Variants in LRP12 observed in about 807,000 individuals in gnomAD.
LRP12 encodes the protein LDL receptor related protein 12, also known as low-density lipoprotein receptor-related protein 12.
In LRP12, 14 loss-of-function variants were observed where a neutral mutation model predicts 66.0. That is an observed-to-expected ratio of 0.21 (90% CI 0.14 to 0.33). The LOEUF (loss-of-function observed/expected upper bound fraction) is 0.33. LRP12 is among the 10% of genes least tolerant of loss of function. LRP12 has a pLI of 1.00. For synonymous variants in LRP12, 357 were observed against 359.1 expected (o/e 0.99, Z 0.07); for missense variants, 889 against 1,053.4 (o/e 0.84, Z 2.16).
chr8:104,489,993 C>T lies in LRP12; in HGVS notation c.*680G>A, dbSNP rs1167977834. The T allele has an allele frequency of 6.6e-6, 1 of 152,526 alleles. No individual in the cohort carries two copies. Among genetic ancestry groups the T allele is most frequent in the African/African-American group, 2.4e-5 (1 of 41,424 alleles). 9.4% of individuals were successfully genotyped at this position (152,526 alleles called of 1,614,324 possible). A position where few individuals can be genotyped will look rare whatever the true frequency, so the allele number is the denominator to read the frequency against. On this transcript the variant is annotated 3_prime_UTR_variant, in exon 7 of 7. Transcript: ENST00000276654. ...AAAAAGAAATGACTTGGGATTTTACCATTTGGTTTGTACCATGTTAGAGTA... is the reference window on the plus strand; with the variant it reads ...AAAAAGAAATGACTTGGGATTTTACTATTTGGTTTGTACCATGTTAGAGTA...
In LRP12 at chr8:104,497,882, A is replaced by C. The variant is rs576103135; in HGVS notation, c.670T>G (p.Ser224Ala). 3 of 1,614,222 alleles carry C rather than the reference A, an allele frequency of 1.9e-6. No homozygotes were observed. The South Asian group carries it at 3.3e-5, about 18-fold the overall frequency. The change falls in exon 5 of 7, where the codon TCC (serine) becomes GCC (alanine). Residue 224 changes from serine to alanine, a missense_variant. Around this residue, in one of 3 missense-constraint regions of LRP12, gnomAD observed 800 missense variants for 964.5 expected, o/e 0.83. Transcript: ENST00000276654. This position sits in a 1 kb window ranked among gnomAD's most constrained non-coding sequence, Gnocchi z 4.3. ...PCAYNQFQCL[S>A]RFTKVYTCLP... Reference sequence around the variant, plus strand: ...CAAGTGTAAACTTTGGTAAAACGGGATAAACACTGGAACTGGTTGTAAGCA... The same window carrying C: ...CAAGTGTAAACTTTGGTAAAACGGGCTAAACACTGGAACTGGTTGTAAGCA...
chr8:104,559,083 T>C (rs1469307878), intron 1 of LRP12, among the ~76,000 whole-genome samples: 1 of 152,174 alleles, frequency 6.6e-6, no homozygotes, highest in African/African-American at 2.4e-5. Context: ...GATCTACCAT[T>C]TGATACAGCA....
chr8:104,584,849 C>A (rs1215386681), intron 1 of LRP12, among the ~76,000 whole-genome samples: 1 of 152,056 alleles, frequency 6.6e-6, no homozygotes, highest in East Asian at 1.9e-4. Context: ...TAGATTTTTC[C>A]CTCATGTTCC....
At chr8:104,536,019 G>GAGA (rs1355287407) in intron 1 of LRP12, among the ~76,000 whole-genome samples, 1 of 152,056 alleles carries the variant, frequency 6.6e-6, no homozygotes, top group Non-Finnish European at 1.5e-5. Flanking sequence ...ACTGCTCAGT[G>GAGA]AGAATAGTTA....
chr8:104,568,859 A>T (rs1169017445), intron 1 of LRP12, among the ~76,000 whole-genome samples: 1 of 152,182 alleles, frequency 6.6e-6, no homozygotes, highest in African/African-American at 2.4e-5. Context: ...TTTGGAAAAG[A>T]GTTTGGAGTT....
At chr8:104,510,522 C>A (rs571603012) in intron 2 of LRP12, among the ~76,000 whole-genome samples, 37 of 152,216 alleles carry the variant, frequency 2.4e-4, no homozygotes, top group South Asian at 4.1e-4. Context: ...TTAACATTAT[C>A]CAGAATTCAG....
intron 1 of LRP12, among the ~76,000 whole-genome samples, chr8:104,552,200 T>G (rs1244049455): frequency 6.6e-6 from 1 of 152,208 alleles, no homozygotes. Flanking sequence ...GCAGCTTCAG[T>G]CTTTAGATTG....
Position 104,497,666 on chromosome 8 carries a change from T to C in LRP12, c.886A>G (p.Lys296Glu). 6.2e-7 allele frequency: 1 copy of C among 1,614,172 alleles called. No homozygotes were observed. Among genetic ancestry groups the C allele is most frequent in the Non-Finnish European group, 8.5e-7 (1 of 1,180,024 alleles). ...AAGTCAGTGAAGCGTAAAATGACTT[T>C]ACGGTGATCACCAGTGTCTATTAAC... ...TWLIDTGDHR[K>E]VILRFTDFKL... is the part of the protein sequence containing the mutation. The change falls in exon 5 of 7, where the codon AAA becomes GAA. Residue 296 changes from lysine to glutamate, a missense_variant. Transcript: ENST00000276654. This position sits in a 1 kb window ranked among gnomAD's most constrained non-coding sequence, Gnocchi z 4.3.
rs528343908 is a variant in LRP12, at chr8:104,555,976, G to A, written c.80-24013C>T. 1.3e-4 allele frequency among the ~76,000 whole-genome samples: 20 copies of A among 152,168 alleles called. No individual in the cohort carries two copies. The South Asian group carries it at 1.7e-3, about 13-fold the overall frequency. Reference sequence around the variant, plus strand: ...ATCAAGTTCTCTTTTAGACTACAGTGGAATAAAATTGGAAATCAACTCCAA... The same window carrying A: ...ATCAAGTTCTCTTTTAGACTACAGTAGAATAAAATTGGAAATCAACTCCAA... On this transcript the variant is annotated intron_variant, in intron 1 of 6. Transcript: ENST00000276654.
intron 2 of LRP12, among the ~76,000 whole-genome samples, chr8:104,518,590 T>A (rs1341790025): frequency 4.6e-5 from 7 of 152,136 alleles, no homozygotes. Context: ...AAAGGGTAGA[T>A]AATCTATAAT....
chr8:104,506,058 A>G (rs920677996), intron 3 of LRP12: 2 of 152,228 alleles, frequency 1.3e-5, no homozygotes, highest in Admixed American at 6.5e-5. Flanking sequence ...ATATCTAAAA[A>G]TACTATTTAC....
chr8:104,511,490 C>T (rs1018939452), intron 2 of LRP12, among the ~76,000 whole-genome samples: 1 of 152,068 alleles, frequency 6.6e-6, no homozygotes, highest in Non-Finnish European at 1.5e-5. Context: ...GCTGGGACTA[C>T]AAAGAGCATG....
At chr8:104,535,744 T>C (rs1042080452) in intron 1 of LRP12, among the ~76,000 whole-genome samples, 80 of 152,024 alleles carry the variant, frequency 5.3e-4, no homozygotes, top group Non-Finnish European at 2.9e-5. Flanking sequence ...ACACAGTCAT[T>C]AAAAAGTCTG....
chr8:104,548,957 A>G (rs564470019), intron 1 of LRP12, among the ~76,000 whole-genome samples: 2 of 152,080 alleles, frequency 1.3e-5, no homozygotes, highest in Admixed American at 6.5e-5. Flanking sequence ...AAATAAATAA[A>G]TAAATATGAA....
At chr8:104,516,297 C>T (rs960548631) in intron 2 of LRP12, among the ~76,000 whole-genome samples, 3 of 151,604 alleles carry the variant, frequency 2.0e-5, no homozygotes, top group South Asian at 2.1e-4. Flanking sequence ...TCTGACTAGC[C>T]CCCACAAAAG....
At chr8:104,540,634 T>A (rs561692348) in intron 1 of LRP12, among the ~76,000 whole-genome samples, 2 of 152,356 alleles carry the variant, frequency 1.3e-5, no homozygotes, top group Non-Finnish European at 2.9e-5. Flanking sequence ...TATGTATTTA[T>A]ATGAACTAGC....
chr8:104,576,314 C>T (rs1463242613), intron 1 of LRP12, among the ~76,000 whole-genome samples: 1 of 152,062 alleles, frequency 6.6e-6, no homozygotes, highest in Non-Finnish European at 1.5e-5. Flanking sequence ...GGTGTGTAAT[C>T]ATCAGATTCT....
chr8:104,583,469 A>C (rs1812286339), intron 1 of LRP12, among the ~76,000 whole-genome samples: 1 of 152,176 alleles, frequency 6.6e-6, no homozygotes, highest in South Asian at 2.1e-4. Context: ...TCCCTTCATG[A>C]AAAAGTCTTC....
chr8:104,492,307 G>A (rs1810647647), intron 6 of LRP12, among the ~76,000 whole-genome samples: 1 of 152,040 alleles, frequency 6.6e-6, no homozygotes, highest in Admixed American at 6.6e-5. Context: ...TACATGAAAG[G>A]TTGTCCAACT....
Sources: gnomAD v4.1 joint callset for allele counts (sites outside exome capture counted in the v4.1 genomes callset) on GRCh38, gnomAD v4.1.1 for gene constraint, gnomAD v4.1.1 regional missense constraint, Gnocchi (gnomAD v3.1) non-coding constraint, MANE v1.5 for transcripts, NCBI Gene and HGNC (gene_info 2026-07-23, HGNC 2026-07-21) for gene names.